The following WNK3 variants were observed in gnomAD, a reference collection of about 807,000 sequenced individuals.
The protein encoded by WNK3 is WNK lysine deficient protein kinase 3.
A neutral mutation model predicts 116.7 loss-of-function variants in WNK3; 18 were observed. The observed-to-expected ratio is 0.15, with a 90% CI of 0.11 to 0.23. The LOEUF (loss-of-function observed/expected upper bound fraction) is 0.23. WNK3 is among the 10% of genes least tolerant of loss of function. The probability of loss-of-function intolerance (pLI) is 1.00; values close to 1 mark genes in which losing one functional copy is unlikely to be tolerated. For synonymous variants in WNK3, 404 were observed against 469.4 expected (o/e 0.86, Z 1.80); for missense variants, 993 against 1,323.8 (o/e 0.75, Z 3.88).
At chrX:54,230,286 A>G (rs1233126130) in intron 21 of WNK3, among the ~76,000 whole-genome samples, 1 of 111,614 alleles carries the variant, frequency 9.0e-6, no homozygotes, top group Non-Finnish European at 1.9e-5. Context: ...ACTGCATGTA[A>G]ATCGACAATT....
chrX:54,223,837 A>T, intron 22 of WNK3: 1 of 133,331 alleles, frequency 7.5e-6, no homozygotes, highest in Non-Finnish European at 1.5e-5. Context: ...TAAAATACAA[A>T]GGGAAGAGAA....
In WNK3 at chrX:54,249,343, A is replaced by G. The variant is rs1243387786; in HGVS notation, c.3005T>C (p.Ile1002Thr). ...AGTTTGGTGACATGGATACACAGGT[A>G]TGAATATGCTTGCTTGTTTGGTGAG... The change falls in exon 17 of 24, where the codon ATA becomes ACA. Residue 1002 changes from isoleucine to threonine, a missense_variant. Physicochemically the swap from Ile to Thr is moderately conservative, Grantham distance 89 (BLOSUM62 -1). Transcript: ENST00000354646. 5 of 1,210,709 alleles carry G rather than the reference A, an allele frequency of 4.1e-6. No homozygotes were observed. The East Asian group carries it at 1.5e-4, about 36-fold the overall frequency.
At chrX:54,331,600 T>C (rs1475205437) in intron 2 of WNK3, among the ~76,000 whole-genome samples, 4 of 111,040 alleles carry the variant, frequency 3.6e-5, no homozygotes, top group Non-Finnish European at 7.5e-5. Context: ...TGCACATACC[T>C]TTCGAGGCCC....
At chrX:54,255,555 C>T (rs2068182807) in intron 12 of WNK3, among the ~76,000 whole-genome samples, 185 bp downstream of exon 12, 1 of 111,816 alleles carries the variant, frequency 8.9e-6, no homozygotes, top group African/African-American at 3.2e-5. Context: ...ATTTTATTTT[C>T]TTTCTTATAT....
At chrX:54,333,722 C>T in exon 2 of WNK3, 1 of 983,175 alleles carries the variant, frequency 1.0e-6, no homozygotes, top group South Asian at 2.3e-5. Flanking sequence ...CTCTTCAGTC[C>T]AGTTACATCT....
chrX:54,202,824 ATACTT>A (rs1398943680), intron 22 of WNK3, among the ~76,000 whole-genome samples: 3 of 110,636 alleles, frequency 2.7e-5, no homozygotes, highest in Non-Finnish European at 5.7e-5. Context: ...CCTCAGATAG[ATACTT>A]TAAAGATTAA....
rs111535909 is a variant in WNK3 at position 54,254,524 on chromosome X, A to G, written c.2251-449T>C. On this transcript the variant is annotated intron_variant, in intron 12 of 23. Transcript: ENST00000354646. ...GTATCTAGAAACTTTAAAAATCTTC[A>G]TATTCTGATCCATGAATCCGTCTCC... Among the ~76,000 whole-genome samples the G allele has an allele frequency of 4.8e-3, 536 of 112,135 alleles. 2 individuals are homozygous for G. Among genetic ancestry groups the G allele is most frequent in the African/African-American group, 0.016 (503 of 30,924 alleles).
chrX:54,284,796 C>A (rs1557163543), intron 10 of WNK3, among the ~76,000 whole-genome samples: 1 of 110,493 alleles, frequency 9.1e-6, no homozygotes, highest in East Asian at 2.8e-4. Flanking sequence ...CACGGAGAAA[C>A]CCCGTCTCTA....
At chrX:54,307,176 G>A (rs1440265837) in intron 5 of WNK3, among the ~76,000 whole-genome samples, 5 of 103,161 alleles carry the variant, frequency 4.8e-5, no homozygotes, top group Admixed American at 1.1e-4. Flanking sequence ...GCAGTGAGCC[G>A]AGATCCCGCC....
chrX:54,344,844 T>G (rs782129666), intron 1 of WNK3, among the ~76,000 whole-genome samples: 105 of 104,030 alleles, frequency 1.0e-3, no homozygotes, highest in Non-Finnish European at 9.8e-4. Flanking sequence ...CTCGTGAGGC[T>G]GAGGTGGGAG....
intron 10 of WNK3, among the ~76,000 whole-genome samples, chrX:54,285,978 T>C (rs1225685089): frequency 5.4e-5 from 6 of 111,731 alleles, no homozygotes; most frequent in Non-Finnish European, 1.1e-4. Flanking sequence ...ATAGAGCAGA[T>C]AGAGCAAAAG....
rs782509744 is a variant in WNK3, at chrX:54,255,723, C to G, written c.2250+17G>C. 1 of 1,200,845 alleles carries G rather than the reference C, an allele frequency of 8.3e-7. No homozygotes were observed. Among genetic ancestry groups the G allele is most frequent in the African/African-American group, 1.8e-5 (1 of 56,687 alleles). On this transcript the variant is annotated intron_variant, in intron 12 of 23. Coordinates refer to ENST00000354646, the Ensembl canonical transcript of WNK3. ...CCTCTATATGTACTCTTAACCAAAC[C>G]ATATTTACAAACTGACCTGAAGGAC...
At chrX:54,197,973 C>T (rs200442812) in exon 24 of WNK3, 3 of 124,494 alleles carry the variant, frequency 2.4e-5, no homozygotes, top group East Asian at 2.0e-4. Flanking sequence ...AAAAAAAAGG[C>T]GGGGGATGGG....
intron 1 of WNK3, among the ~76,000 whole-genome samples, chrX:54,352,548 C>T (rs1241141651): frequency 3.6e-5 from 4 of 111,026 alleles, no homozygotes; most frequent in African/African-American, 1.3e-4. Flanking sequence ...GGCGTGGTGA[C>T]ACACACCTAT....
At position 54,255,864 on chromosome X, in the gene WNK3, G is replaced by A. The variant is rs782417608; in HGVS notation, c.2126C>T (p.Thr709Met). 1.2e-5 allele frequency: 14 copies of A among 1,198,484 alleles called. No homozygotes were observed. In the South Asian group the frequency reaches 1.5e-4, roughly 13 times the overall value. Reference sequence around the variant, plus strand: ...ATCAGGGCTACTGACGTTTTCCTTCGTAGTTGCCACATCTTGATTCAAGCT... The same window carrying A: ...ATCAGGGCTACTGACGTTTTCCTTCATAGTTGCCACATCTTGATTCAAGCT... Residue 709 changes from threonine to methionine, a missense_variant, in exon 12 of 24, where the codon ACG becomes ATG. Coordinates refer to ENST00000354646, the Ensembl canonical transcript of WNK3.
intron 17 of WNK3, among the ~76,000 whole-genome samples, chrX:54,239,838 T>C (rs1285634589): frequency 9.0e-6 from 1 of 111,513 alleles, no homozygotes; most frequent in African/African-American, 3.3e-5. Flanking sequence ...TAATAATTAA[T>C]ATGAAAAGTT....
intron 23 of WNK3, among the ~76,000 whole-genome samples, chrX:54,199,987 C>G (rs1486483616): frequency 2.7e-5 from 3 of 112,254 alleles, no homozygotes; most frequent in Non-Finnish European, 5.6e-5. Context: ...AATCCCTTCA[C>G]GCTCCTTTCC....
At chrX:54,318,720 A>G (rs1223979912) in intron 2 of WNK3, among the ~76,000 whole-genome samples, 1 of 111,040 alleles carries the variant, frequency 9.0e-6, no homozygotes, top group Non-Finnish European at 1.9e-5. Flanking sequence ...TAAGGAACTC[A>G]GAGAACAAAA....
chrX:54,214,876 G>C (rs1557144653), intron 22 of WNK3, among the ~76,000 whole-genome samples: 1 of 110,144 alleles, frequency 9.1e-6, no homozygotes, highest in East Asian at 2.9e-4. Context: ...AGCCAGGCGT[G>C]GTGGCGGGCG....
Sources: allele counts gnomAD v4.1 joint callset (sites outside exome capture counted in the v4.1 genomes callset), GRCh38; gene constraint gnomAD v4.1.1; transcripts MANE v1.5; gene names NCBI Gene and HGNC (gene_info 2026-07-23, HGNC 2026-07-21).